The following TIAM2 variants were observed in gnomAD, a reference collection of about 807,000 sequenced individuals.
TIAM2 encodes the protein rho guanine nucleotide exchange factor TIAM2.
Under a neutral mutation model 152.9 loss-of-function variants are expected in TIAM2, and 80 were observed. The ratio of observed to expected loss-of-function variants is 0.52; its 90% CI spans 0.44 to 0.63. The LOEUF (loss-of-function observed/expected upper bound fraction) is 0.63, where lower values mean the gene tolerates loss of function less well. TIAM2 is among the 30% of genes least tolerant of loss of function. The probability of loss-of-function intolerance (pLI) is 0.00; values close to 1 mark genes in which losing one functional copy is unlikely to be tolerated. For synonymous variants in TIAM2, 804 were observed against 838.0 expected (o/e 0.96, Z 0.70); for missense variants, 1,965 against 2,120.1 (o/e 0.93, Z 1.44).
At position 155,187,573 on chromosome 6, in the gene TIAM2, C is replaced by CTTTTTTTTTTTTTTTTTTTTTTT. The variant is rs59818801; in HGVS notation, c.3064+4074_3064+4096dup. Among the ~76,000 whole-genome samples, 84 of 49,618 alleles carry CTTTTTTTTTTTTTTTTTTTTTTT rather than the reference C, an allele frequency of 1.7e-3. 2 individuals carry two copies. Among genetic ancestry groups the CTTTTTTTTTTTTTTTTTTTTTTT allele is most frequent in the Non-Finnish European group, 2.5e-3 (67 of 27,076 alleles). The allele number at this position is 49,618 out of a possible 152,430, so 32.6% of individuals were successfully genotyped here. A position where few individuals can be genotyped will look rare whatever the true frequency, so the allele number is the denominator to read the frequency against. On this transcript the variant is annotated intron_variant, in intron 14 of 26. Transcript: ENST00000682666. ...AACCCCCCCTCCCCCACCCCGCCCCCTTTTTTTTTTTTTTTTTTTTTTTGA... is the reference window on the plus strand; with the variant it reads ...AACCCCCCCTCCCCCACCCCGCCCCCTTTTTTTTTTTTTTTTTTTTTTTTTTTTTTTTTTTTTTTTTTTTTTGA...
rs942218264 is a variant in TIAM2, at chr6:155,240,820, G to T, written c.3348+111G>T. On this transcript the variant is annotated intron_variant, in intron 16 of 26. Transcript: ENST00000682666. ...CCCAGGACACCTGCCACTCCCCAGG[G>T]GGGGACACCTGCTCCTTGAATCAGT... The T allele has an allele frequency of 1.2e-5, 13 of 1,114,264 alleles. No individual in the cohort carries two copies. In the African/African-American group the frequency reaches 1.6e-4, roughly 13 times the overall value. The allele number at this position is 1,114,264 out of a possible 1,614,324, so 69.0% of individuals were successfully genotyped here.
At chr6:155,193,403 CAA>C (rs35559546) in intron 14 of TIAM2, among the ~76,000 whole-genome samples, 1 of 150,616 alleles carries the variant, frequency 6.6e-6, no homozygotes, top group Non-Finnish European at 1.5e-5. Context: ...GACCTTGTCT[CAA>C]AAAAAAATGT....
chr6:155,063,731 A>G (rs2114942024), intron 1 of TIAM2, among the ~76,000 whole-genome samples: 1 of 146,186 alleles, frequency 6.8e-6, no homozygotes, highest in East Asian at 2.1e-4. Flanking sequence ...TAAGTGAGCC[A>G]AGATTGCATC....
chr6:155,255,099 C>T (rs536834678), intron 26 of TIAM2: 2 of 153,888 alleles, frequency 1.3e-5, no homozygotes, highest in African/African-American at 4.8e-5. Flanking sequence ...AGATACTCAA[C>T]ACTTAATTAT....
At chr6:155,221,505 C>T (rs560656243) in intron 15 of TIAM2, among the ~76,000 whole-genome samples, 120 of 152,256 alleles carry the variant, frequency 7.9e-4, no homozygotes, top group African/African-American at 2.4e-3. Context: ...ATTGAAACAG[C>T]GGGTGCCATG....
intron 9 of TIAM2, among the ~76,000 whole-genome samples, chr6:155,175,095 C>T (rs1453466643): frequency 6.6e-6 from 1 of 152,210 alleles, no homozygotes; most frequent in Non-Finnish European, 1.5e-5. Context: ...GGGCTGGTTC[C>T]TGGCATCCCT....
intron 1 of TIAM2, among the ~76,000 whole-genome samples, chr6:155,002,861 G>GTT (rs1339194679): frequency 7.3e-6 from 1 of 136,908 alleles, no homozygotes; most frequent in African/African-American, 2.7e-5. Flanking sequence ...TTGTGTGTGT[G>GTT]TGTTTTTTTT....
chr6:155,202,489 A>T (rs1259433894), intron 14 of TIAM2, among the ~76,000 whole-genome samples: 1 of 152,166 alleles, frequency 6.6e-6, no homozygotes, highest in Admixed American at 6.5e-5. Context: ...CACAATCACA[A>T]GCCACTGCAG....
chr6:155,137,657 C>T, intron 5 of TIAM2, 45 bp downstream of exon 5: 1 of 1,511,368 alleles, frequency 6.6e-7, no homozygotes, highest in Non-Finnish European at 8.8e-7. Flanking sequence ...ATTGTTTCCG[C>T]CAGCCGTGCT....
At chr6:155,078,099 C>T (rs1464158452) in intron 1 of TIAM2, among the ~76,000 whole-genome samples, 1 of 152,124 alleles carries the variant, frequency 6.6e-6, no homozygotes, top group Non-Finnish European at 1.5e-5. Flanking sequence ...CACTCTGTCA[C>T]TCAGGCTGGA....
chr6:155,204,178 A>C (rs1781543955), intron 14 of TIAM2, among the ~76,000 whole-genome samples: 1 of 152,228 alleles, frequency 6.6e-6, no homozygotes, highest in Non-Finnish European at 1.5e-5. Context: ...TCGATTTTAC[A>C]AAGAAATGCA....
chr6:155,044,176 T>C (rs1777108449), intron 1 of TIAM2, among the ~76,000 whole-genome samples: 1 of 152,066 alleles, frequency 6.6e-6, no homozygotes, highest in Non-Finnish European at 1.5e-5. Context: ...CCAGTGAAAG[T>C]TTCACTGTTT....
intron 2 of TIAM2, among the ~76,000 whole-genome samples, chr6:155,109,190 T>G (rs1342660322): frequency 6.6e-6 from 1 of 152,138 alleles, no homozygotes; most frequent in Non-Finnish European, 1.5e-5. Context: ...TTCACCGTGT[T>G]AGCCAGGATG....
At chr6:155,123,461 A>G (rs887650014) in intron 2 of TIAM2, among the ~76,000 whole-genome samples, 2 of 152,182 alleles carry the variant, frequency 1.3e-5, no homozygotes, top group African/African-American at 4.8e-5. Context: ...TGCTTATATG[A>G]GCCTCCAGGT....
At chr6:155,006,792 G>A (rs139608612) in intron 1 of TIAM2, among the ~76,000 whole-genome samples, 60 of 151,518 alleles carry the variant, frequency 4.0e-4, no homozygotes, top group East Asian at 3.7e-3. Context: ...GGGTTCAAGC[G>A]ATTCTCCTGC....
intron 14 of TIAM2, among the ~76,000 whole-genome samples, chr6:155,208,871 C>T (rs1781651820): frequency 6.6e-6 from 1 of 152,096 alleles, no homozygotes. Flanking sequence ...TCCATCTCTG[C>T]CCCACTCTGT....
chr6:155,085,201 A>T (rs987161983), intron 1 of TIAM2, among the ~76,000 whole-genome samples: 4 of 152,200 alleles, frequency 2.6e-5, no homozygotes, highest in Non-Finnish European at 5.9e-5. Flanking sequence ...GCTGATAACG[A>T]GGCTAAAGTA....
intron 19 of TIAM2, among the ~76,000 whole-genome samples, chr6:155,246,677 C>T (rs1384204043): frequency 6.6e-6 from 1 of 152,080 alleles, no homozygotes; most frequent in Non-Finnish European, 1.5e-5. Flanking sequence ...ACAGTGAAAG[C>T]ATACCAATGT....
intron 14 of TIAM2, among the ~76,000 whole-genome samples, chr6:155,195,599 C>G (rs186655621): frequency 8.5e-5 from 13 of 152,186 alleles, no homozygotes; most frequent in African/African-American, 3.1e-4. Context: ...TAAGCGGGAA[C>G]CTCACAATTA....
Sources: gnomAD v4.1 joint callset for allele counts (sites outside exome capture counted in the v4.1 genomes callset) on GRCh38, gnomAD v4.1.1 for gene constraint, MANE v1.5 for transcripts, NCBI Gene and HGNC (gene_info 2026-07-23, HGNC 2026-07-21) for gene names.